ADGRB3: variants seen among roughly 807,000 people sequenced by gnomAD.
ADGRB3 encodes adhesion G protein-coupled receptor B3, also known as brain-specific angiogenesis inhibitor 3.
ADGRB3 carries 37 observed loss-of-function variants against 193.4 expected under a neutral mutation model. The ratio of observed to expected loss-of-function variants is 0.19; its 90% CI spans 0.15 to 0.25. The LOEUF is 0.25. Among genes scored for constraint, ADGRB3 ranks in the 10% least tolerant of loss-of-function variants. ADGRB3 has a pLI of 1.00. For missense variants in ADGRB3, 1,637 were observed against 1,852.9 expected (o/e 0.88, Z 2.14); for synonymous variants, 690 against 644.2 (o/e 1.07, Z -1.08).
chr6:68,887,982 G>A (rs1227625715), intron 3 of ADGRB3, among the ~76,000 whole-genome samples: 1 of 152,114 alleles, frequency 6.6e-6, no homozygotes, highest in East Asian at 1.9e-4. Flanking sequence ...TCATATTGGT[G>A]CTCCTTTCCA....
chr6:69,359,738 T>A (rs1769412328), intron 28 of ADGRB3, among the ~76,000 whole-genome samples: 1 of 151,960 alleles, frequency 6.6e-6, no homozygotes, highest in Non-Finnish European at 1.5e-5. Flanking sequence ...TACAGTCATC[T>A]ATGCCTAATG....
chr6:68,828,206 T>C (rs1295626875), intron 3 of ADGRB3, among the ~76,000 whole-genome samples: 1 of 152,118 alleles, frequency 6.6e-6, no homozygotes, highest in African/African-American at 2.4e-5. Context: ...TTCCTCAATT[T>C]GGCTGCCTAA....
At chr6:69,251,806 T>C (rs1005223010) in intron 20 of ADGRB3, among the ~76,000 whole-genome samples, 8 of 152,170 alleles carry the variant, frequency 5.3e-5, no homozygotes, top group African/African-American at 4.8e-5. Flanking sequence ...TTTACTCCTT[T>C]AGCAAATTTC....
chr6:69,234,962 G>T, intron 18 of ADGRB3, 70 bp from the exon 19 acceptor site: 1 of 1,235,660 alleles, frequency 8.1e-7, no homozygotes, highest in Non-Finnish European at 1.2e-6. Flanking sequence ...GGTTAGCTTT[G>T]CTGAGTCTAG....
chr6:69,019,753 G>T (rs879142707), intron 13 of ADGRB3, among the ~76,000 whole-genome samples: 1 of 151,936 alleles, frequency 6.6e-6, no homozygotes. Context: ...TCTCCAGAGT[G>T]GGTGTCCAGC....
At chr6:69,091,950 C>G (rs1420621648) in intron 17 of ADGRB3, among the ~76,000 whole-genome samples, 1 of 152,106 alleles carries the variant, frequency 6.6e-6, no homozygotes, top group African/African-American at 2.4e-5. Context: ...AATGAGCCAT[C>G]TGTTTAAGTT....
At chr6:68,808,236 G>A (rs1767444409) in intron 3 of ADGRB3, among the ~76,000 whole-genome samples, 1 of 152,084 alleles carries the variant, frequency 6.6e-6, no homozygotes. Flanking sequence ...GATGTCAAAT[G>A]TATAATCAAT....
At chr6:69,330,730 C>A (rs1295493680) in intron 23 of ADGRB3, among the ~76,000 whole-genome samples, 158 bp downstream of exon 23, 2 of 151,916 alleles carry the variant, frequency 1.3e-5, no homozygotes, top group Admixed American at 1.3e-4. Flanking sequence ...TTATTCAGCC[C>A]TTTATTATTC....
chr6:69,079,327 TA>T (rs1772321241), intron 17 of ADGRB3, among the ~76,000 whole-genome samples: 1 of 151,972 alleles, frequency 6.6e-6, no homozygotes, highest in Non-Finnish European at 1.5e-5. Context: ...AATCGGAGAA[TA>T]TTTTTTATTC....
chr6:68,645,255 C>G (rs1561981479), intron 3 of ADGRB3, among the ~76,000 whole-genome samples: 1 of 151,912 alleles, frequency 6.6e-6, no homozygotes, highest in Non-Finnish European at 1.5e-5. Flanking sequence ...ATAATGGCTA[C>G]TACTCTATAT....
chr6:68,988,047 A>G (rs1769129443), intron 10 of ADGRB3, among the ~76,000 whole-genome samples: 1 of 152,148 alleles, frequency 6.6e-6, no homozygotes, highest in Admixed American at 6.6e-5. Context: ...TTTGTGGATT[A>G]TAGTTGAAAG....
chr6:68,968,120 G>C (rs3823063), intron 8 of ADGRB3, among the ~76,000 whole-genome samples: 3 of 124,978 alleles, frequency 2.4e-5, no homozygotes, highest in African/African-American at 9.4e-5. Context: ...CCAACTATTT[G>C]CCTTAAAAAA....
In ADGRB3 at chr6:69,029,291, T is replaced by A. The variant is rs557226700; in HGVS notation, c.2107+10792T>A. Among the ~76,000 whole-genome samples, 658 of 152,194 alleles carry A rather than the reference T, an allele frequency of 4.3e-3. 6 individuals carry two copies. Among genetic ancestry groups the A allele is most frequent in the African/African-American group, 0.015 (640 of 41,456 alleles). ...CCACTTTATTTGAAAATTTGAAACT[T>A]TTTTTGGCTAATTACACAAGTTATG... is the stretch of plus-strand genomic sequence containing the variant. On this transcript the variant is annotated intron_variant, in intron 13 of 31. Coordinates refer to ENST00000370598, the MANE Select transcript of ADGRB3 (RefSeq NM_001704.3).
chr6:69,288,382 CT>C (rs1767597724), intron 20 of ADGRB3, among the ~76,000 whole-genome samples: 1 of 152,194 alleles, frequency 6.6e-6, no homozygotes, highest in African/African-American at 2.4e-5. Flanking sequence ...TGAATTCATC[CT>C]TTTTTATGGC....
At chr6:69,069,751 G>T (rs1015711681) in intron 16 of ADGRB3, among the ~76,000 whole-genome samples, 1 of 119,230 alleles carries the variant, frequency 8.4e-6, no homozygotes, top group Non-Finnish European at 1.8e-5. Flanking sequence ...AAAAAAAAAA[G>T]AAAGAAAGAA....
chr6:68,681,905 G>A (rs1294898256), intron 3 of ADGRB3, among the ~76,000 whole-genome samples: 1 of 152,170 alleles, frequency 6.6e-6, no homozygotes, highest in Non-Finnish European at 1.5e-5. Flanking sequence ...GGATTAAAGT[G>A]TTGGCTCTAG....
At chr6:69,341,179 A>G in intron 26 of ADGRB3, among the ~76,000 whole-genome samples, 1 of 152,194 alleles carries the variant, frequency 6.6e-6, no homozygotes, top group East Asian at 1.9e-4. Flanking sequence ...TAGATCCTTG[A>G]GGAATCATCA....
At chr6:68,800,237 G>A (rs942650053) in intron 3 of ADGRB3, among the ~76,000 whole-genome samples, 7 of 152,142 alleles carry the variant, frequency 4.6e-5, no homozygotes, top group African/African-American at 1.7e-4. Flanking sequence ...AGGCAAGGAG[G>A]ATTAATAAAT....
At chr6:68,664,173 AT>A (rs1486839264) in intron 3 of ADGRB3, among the ~76,000 whole-genome samples, 1 of 151,792 alleles carries the variant, frequency 6.6e-6, no homozygotes, top group South Asian at 2.1e-4. Context: ...TTTTAAGCAC[AT>A]TTTTTATGGT....
Sources: allele counts gnomAD v4.1 joint callset (sites outside exome capture counted in the v4.1 genomes callset), GRCh38; gene constraint gnomAD v4.1.1; transcripts MANE v1.5; gene names NCBI Gene and HGNC (gene_info 2026-07-23, HGNC 2026-07-21).